PARL: variants seen among roughly 807,000 people sequenced by gnomAD.
PARL encodes the protein presenilin associated rhomboid like.
A neutral mutation model predicts 51.6 loss-of-function variants in PARL; 44 were observed. The ratio of observed to expected loss-of-function variants is 0.85; its 90% CI spans 0.67 to 1.10. The LOEUF (loss-of-function observed/expected upper bound fraction) is 1.10. PARL is among the 50% of genes least tolerant of loss of function. The pLI is 0.00. For missense variants in PARL, 441 were observed against 469.5 expected, an observed-to-expected ratio of 0.94 and a Z score of 0.56; for synonymous variants, 172 against 164.0, an observed-to-expected ratio of 1.05 and a Z score of -0.37.
chr3:183,845,701 G>A lies in PARL; in HGVS notation c.512-1375C>T, dbSNP rs536742817. Among the ~76,000 whole-genome samples the A allele has an allele frequency of 1.0e-3, 159 of 152,328 alleles. 2 individuals carry two copies. In the South Asian group the frequency reaches 0.032, roughly 30 times the overall value. On this transcript the variant is annotated intron_variant, in intron 4 of 9. Coordinates refer to ENST00000317096, the MANE Select transcript of PARL (RefSeq NM_018622.7). ...TGTGGAGCCTGGAACCCTGGGAAGGGCAGGCGGGCAGAGCCTCCTCACAGG... is the reference window on the plus strand; with the variant it reads ...TGTGGAGCCTGGAACCCTGGGAAGGACAGGCGGGCAGAGCCTCCTCACAGG...
At chr3:183,846,770 T>TAA in intron 4 of PARL, 1 of 217,252 alleles carries the variant, frequency 4.6e-6, no homozygotes, top group Non-Finnish European at 7.8e-6. Flanking sequence ...TGAACCACTA[T>TAA]AAATTCATAA....
At chr3:183,838,181 A>G (rs1316850231) in intron 7 of PARL, among the ~76,000 whole-genome samples, 2 of 151,150 alleles carry the variant, frequency 1.3e-5, no homozygotes, top group Non-Finnish European at 3.0e-5. Flanking sequence ...GCATGCCACC[A>G]TGCCCGGCTT....
rs1560441968 is a variant in PARL, at chr3:183,882,225, AT to A, written c.125+2496del. Among the ~76,000 whole-genome samples the A allele has an allele frequency of 2.2e-4, 17 of 78,230 alleles. 1 individual carries two copies. The highest frequency in any genetic ancestry group is 5.6e-4 in the African/African-American group (8 of 14,252). 51.3% of individuals were successfully genotyped at this position (78,230 alleles called of 152,430 possible). A position where few individuals can be genotyped will look rare whatever the true frequency, so the allele number is the denominator to read the frequency against. ...TCTCTAAAAAAAAAAAAAAAAAAATATATATATATATATATATATTTATATA... is the reference window on the plus strand; with the variant it reads ...TCTCTAAAAAAAAAAAAAAAAAAATAATATATATATATATATATTTATATA... On this transcript the variant is annotated intron_variant, in intron 1 of 9. Coordinates refer to ENST00000317096, the MANE Select transcript of PARL (RefSeq NM_018622.7).
intron 7 of PARL, among the ~76,000 whole-genome samples, chr3:183,836,208 A>T (rs1230267666): frequency 7.9e-6 from 1 of 126,364 alleles, no homozygotes; most frequent in African/African-American, 3.1e-5. Flanking sequence ...CAAGAACGAA[A>T]CTCCATCTCA....
At chr3:183,862,571 G>C in intron 4 of PARL, 182 bp downstream of exon 4, 1 of 596,104 alleles carries the variant, frequency 1.7e-6, no homozygotes, top group Non-Finnish European at 3.0e-6. Flanking sequence ...AACGGACCCA[G>C]AGCATCATGT....
At chr3:183,846,281 G>A (rs555506711) in intron 4 of PARL, among the ~76,000 whole-genome samples, 1 of 152,222 alleles carries the variant, frequency 6.6e-6, no homozygotes, top group South Asian at 2.1e-4. Flanking sequence ...ATCACCTGAG[G>A]TCGGGAGTTC....
intron 4 of PARL, among the ~76,000 whole-genome samples, chr3:183,849,800 C>A (rs1730353288): frequency 6.6e-6 from 1 of 151,634 alleles, no homozygotes. Flanking sequence ...CTGAGATTTG[C>A]TAAAAAAGAA....
In PARL at chr3:183,838,371, G is replaced by A. The variant is rs545330087; in HGVS notation, c.828+2199C>T. Among the ~76,000 whole-genome samples the A allele has an allele frequency of 5.3e-5, 8 of 152,176 alleles. No individual in the cohort carries two copies. In the South Asian group the frequency reaches 1.0e-3, roughly 20 times the overall value. On this transcript the variant is annotated intron_variant, in intron 7 of 9. Transcript: ENST00000317096. ...GTCTCACTAAACCAAGAGGACTAAC[G>A]CTTTACATTTTGTAACAACACAACT...
chr3:183,879,443 G>A (rs1734192489), intron 1 of PARL, among the ~76,000 whole-genome samples: 1 of 152,170 alleles, frequency 6.6e-6, no homozygotes, highest in African/African-American at 2.4e-5. Flanking sequence ...CAAGGAGATA[G>A]CATGCTGAGA....
chr3:183,878,335 C>T (rs987301032), intron 1 of PARL, among the ~76,000 whole-genome samples: 5 of 152,136 alleles, frequency 3.3e-5, no homozygotes, highest in Non-Finnish European at 2.9e-5. Flanking sequence ...CACATGCTAC[C>T]GATCAAACTA....
chr3:183,866,020 C>T (rs529241895), intron 3 of PARL, among the ~76,000 whole-genome samples: 121 of 152,054 alleles, frequency 8.0e-4, no homozygotes, highest in Non-Finnish European at 1.3e-3. Context: ...GCTGGGGCCA[C>T]AGGCATGCAC....
chr3:183,836,314 C>T (rs927485427), intron 7 of PARL, among the ~76,000 whole-genome samples: 4 of 149,418 alleles, frequency 2.7e-5, no homozygotes, highest in African/African-American at 9.9e-5. Context: ...AAAAAATTGT[C>T]GTTATCTGTA....
chr3:183,846,143 G>A (rs1386356721), intron 4 of PARL, among the ~76,000 whole-genome samples: 2 of 152,044 alleles, frequency 1.3e-5, no homozygotes, highest in East Asian at 1.9e-4. Flanking sequence ...CTGTCAAGAC[G>A]AGGATATGTT....
In PARL at chr3:183,833,442, AG is replaced by A. The variant is rs1560368755; in HGVS notation, c.1028+49del. On this transcript the variant is annotated intron_variant, in intron 9 of 9. Coordinates refer to ENST00000317096, the MANE Select transcript of PARL (RefSeq NM_018622.7). ...GTAGGGGTGAGGCTGGGGTAGGAGG[AG>A]CGCATGACCCAAGGAAGCAGTTTAG... 2.8e-6 allele frequency: 3 copies of A among 1,075,562 alleles called. No individual in the cohort carries two copies. The East Asian group carries it at 7.1e-5, about 25-fold the overall frequency. The allele number at this position is 1,075,562 out of a possible 1,614,324, so 66.6% of individuals were successfully genotyped here.
intron 1 of PARL, among the ~76,000 whole-genome samples, chr3:183,880,876 C>A (rs80274950): frequency 6.6e-6 from 1 of 151,890 alleles, no homozygotes; most frequent in Non-Finnish European, 1.5e-5. Context: ...AGGACAGTGG[C>A]GCCCTCATAG....
At chr3:183,853,685 AC>A (rs1346337854) in intron 4 of PARL, among the ~76,000 whole-genome samples, 1 of 152,238 alleles carries the variant, frequency 6.6e-6, no homozygotes, top group Admixed American at 6.5e-5. Flanking sequence ...GCTCAACATC[AC>A]TAATCACCAG....
intron 4 of PARL, among the ~76,000 whole-genome samples, chr3:183,855,471 A>C (rs1324652801): frequency 1.2e-4 from 18 of 151,954 alleles, no homozygotes; most frequent in Admixed American, 1.2e-3. Flanking sequence ...GTGGTCTCCA[A>C]CCTTTTTGGC....
At chr3:183,827,834 G>A (rs1351751814), downstream of PARL, among the ~76,000 whole-genome samples, 2 of 152,188 alleles carry the variant, frequency 1.3e-5, no homozygotes, top group Non-Finnish European at 2.9e-5. Flanking sequence ...TGTGGGTCTG[G>A]AGCTCAGAAT....
intron 1 of PARL, among the ~76,000 whole-genome samples, chr3:183,873,245 C>T (rs1733417205): frequency 6.6e-6 from 1 of 152,158 alleles, no homozygotes. Context: ...GTAGCTCACG[C>T]CTGTAATCCC....
Sources: allele counts gnomAD v4.1 joint callset (sites outside exome capture counted in the v4.1 genomes callset), GRCh38; gene constraint gnomAD v4.1.1; transcripts MANE v1.5; gene names NCBI Gene and HGNC (gene_info 2026-07-23, HGNC 2026-07-21).